Variants in ASCC3 observed in about 807,000 individuals in gnomAD.
ASCC3 encodes activating signal cointegrator 1 complex subunit 3, also known as ASC-1 complex subunit P200.
A neutral mutation model predicts 256.3 loss-of-function variants in ASCC3; 158 were observed. That is an observed-to-expected ratio of 0.62 (90% CI 0.54 to 0.70). ASCC3 has a LOEUF of 0.70. ASCC3 is among the 30% of genes least tolerant of loss of function. The pLI, the probability that ASCC3 is intolerant of heterozygous loss-of-function variation, is 0.00. For missense variants in ASCC3, 2,259 were observed against 2,626.0 expected (o/e 0.86, Z 3.05); for synonymous variants, 948 against 883.4 (o/e 1.07, Z -1.30).
intron 37 of ASCC3, among the ~76,000 whole-genome samples, chr6:100,518,728 T>C (rs993418357): frequency 6.6e-6 from 1 of 152,156 alleles, no homozygotes; most frequent in South Asian, 2.1e-4. Flanking sequence ...TTTAATCTAA[T>C]GTTTTATGGA....
At chr6:100,636,216 T>A (rs1774835795) in intron 25 of ASCC3, among the ~76,000 whole-genome samples, 1 of 152,218 alleles carries the variant, frequency 6.6e-6, no homozygotes, top group South Asian at 2.1e-4. Flanking sequence ...TCCAACAGTA[T>A]GTGTTCACTT....
At chr6:100,636,657 A>G (rs938389332) in intron 25 of ASCC3, among the ~76,000 whole-genome samples, 3 of 152,230 alleles carry the variant, frequency 2.0e-5, no homozygotes, top group African/African-American at 7.2e-5. Context: ...GAGTTAGCCA[A>G]GTTTTGAATG....
chr6:100,645,565 G>A (rs1775339032), intron 22 of ASCC3, among the ~76,000 whole-genome samples: 1 of 152,042 alleles, frequency 6.6e-6, no homozygotes, highest in Admixed American at 6.6e-5. Flanking sequence ...TGTGAAATAG[G>A]CACTGCTATA....
chr6:100,799,352 G>A (rs1769795437), intron 7 of ASCC3, 79 bp downstream of exon 7: 15 of 1,519,900 alleles, frequency 9.9e-6, no homozygotes, highest in South Asian at 4.6e-5. Flanking sequence ...TTAGACTCAC[G>A]AAGGAACAGG....
chr6:100,726,120 C>G (rs1036057271), intron 10 of ASCC3, among the ~76,000 whole-genome samples: 1 of 151,776 alleles, frequency 6.6e-6, no homozygotes, highest in African/African-American at 2.4e-5. Context: ...ACAATTCACT[C>G]TACCGATAAT....
At chr6:100,693,963 C>G (rs1777958522) in intron 13 of ASCC3, among the ~76,000 whole-genome samples, 1 of 152,094 alleles carries the variant, frequency 6.6e-6, no homozygotes, top group African/African-American at 2.4e-5. Context: ...TCTCCCTACT[C>G]CTAACCTCAT....
intron 1 of ASCC3, among the ~76,000 whole-genome samples, chr6:100,879,972 A>C (rs932715751): frequency 6.6e-6 from 1 of 152,240 alleles, no homozygotes; most frequent in African/African-American, 2.4e-5. Context: ...CTGCTGGATT[A>C]TAGAAAGTTC....
chr6:100,851,090 G>C (rs1373273518), intron 3 of ASCC3, among the ~76,000 whole-genome samples: 1 of 152,028 alleles, frequency 6.6e-6, no homozygotes. Flanking sequence ...CCTAACAAAA[G>C]TATCTCCATT....
intron 8 of ASCC3, among the ~76,000 whole-genome samples, chr6:100,769,845 G>A (rs370459529): frequency 1.3e-5 from 2 of 151,946 alleles, no homozygotes; most frequent in South Asian, 2.1e-4. Context: ...CAACTCAGAT[G>A]AAATGGACAA....
Position 100,690,429 on chromosome 6 carries a change from G to A in ASCC3, c.2152-10677C>T, listed in dbSNP as rs192870012. 2.8e-4 allele frequency among the ~76,000 whole-genome samples: 42 copies of A among 151,988 alleles called. 1 individual carries two copies. The highest frequency in any genetic ancestry group is 9.9e-4 in the African/African-American group (41 of 41,500). On this transcript the variant is annotated intron_variant, in intron 13 of 41. Transcript: ENST00000369162. ...GGAAGCATCCTTACTTTGGATAAAG[G>A]TAAAAAAATTGACACTACTACATTT... is the stretch of plus-strand genomic sequence containing the variant.
At chr6:100,829,181 G>A (rs1020565195) in intron 4 of ASCC3, among the ~76,000 whole-genome samples, 14 of 152,110 alleles carry the variant, frequency 9.2e-5, no homozygotes, top group African/African-American at 3.1e-4. Flanking sequence ...AGTGGATCCC[G>A]CACCTGGGCT....
chr6:100,587,596 T>C (rs528821930), intron 36 of ASCC3, among the ~76,000 whole-genome samples: 1 of 152,294 alleles, frequency 6.6e-6, no homozygotes, highest in South Asian at 2.1e-4. Flanking sequence ...CTAAACACCA[T>C]GGGAGAAGAA....
rs766263025 is a variant in ASCC3, at chr6:100,629,067, C to T, written c.4323G>A (p.Arg1441=). The T allele has an allele frequency of 4.3e-6, 7 of 1,613,524 alleles. No homozygotes were observed. The highest frequency in any genetic ancestry group is 5.9e-6 in the Non-Finnish European group (7 of 1,179,866). ...GAATAGTGACTTGCTGAACATAGTT[C>T]CTATTTTGCCAGCTTCTGCTGACTC... The part of the protein sequence containing the change: ...WDGVSRSWQN[R]NYVQQVTILI... The change falls in exon 27 of 42, where the codon AGG becomes AGA. Residue 1441 remains arginine (R), a synonymous_variant. Transcript: ENST00000369162.
At chr6:100,773,592 C>T (rs1465531782) in intron 8 of ASCC3, among the ~76,000 whole-genome samples, 4 of 152,132 alleles carry the variant, frequency 2.6e-5, no homozygotes, top group Non-Finnish European at 5.9e-5. Context: ...AGACAACCCT[C>T]TTTATGTATT....
intron 8 of ASCC3, among the ~76,000 whole-genome samples, chr6:100,777,394 T>A (rs1782242397): frequency 6.6e-6 from 1 of 152,136 alleles, no homozygotes; most frequent in African/African-American, 2.4e-5. Context: ...CTCCTCTATG[T>A]GGCTTAAACT....
chr6:100,576,093 C>T (rs937281921), intron 36 of ASCC3, among the ~76,000 whole-genome samples: 1 of 152,006 alleles, frequency 6.6e-6, no homozygotes, highest in Non-Finnish European at 1.5e-5. Flanking sequence ...CTGCTAAATG[C>T]TTCAATAACT....
chr6:100,689,948 G>A (rs1382284520), intron 13 of ASCC3, among the ~76,000 whole-genome samples: 1 of 151,986 alleles, frequency 6.6e-6, no homozygotes, highest in African/African-American at 2.4e-5. Flanking sequence ...TGAAAGATTA[G>A]CTTATAAGAA....
chr6:100,510,385 G>C, intron 40 of ASCC3: 1 of 364,824 alleles, frequency 2.7e-6, no homozygotes, highest in Non-Finnish European at 5.0e-6. Context: ...TCTGGATCTT[G>C]ACATCAAATT....
chr6:100,836,337 A>G (rs1184959409), intron 4 of ASCC3, among the ~76,000 whole-genome samples: 1 of 152,074 alleles, frequency 6.6e-6, no homozygotes, highest in Non-Finnish European at 1.5e-5. Context: ...CCAGATCTTA[A>G]AAGTTTTCAA....
Sources: allele counts gnomAD v4.1 joint callset (sites outside exome capture counted in the v4.1 genomes callset), GRCh38; gene constraint gnomAD v4.1.1; transcripts MANE v1.5; gene names NCBI Gene and HGNC (gene_info 2026-07-23, HGNC 2026-07-21).